GLIS3: variants seen among roughly 807,000 people sequenced by gnomAD.
GLIS3 encodes GLIS family zinc finger 3.
In GLIS3, 53 loss-of-function variants were observed where a neutral mutation model predicts 78.6. The observed-to-expected ratio is 0.67, with a 90% CI of 0.54 to 0.85. The LOEUF is 0.85. GLIS3 is among the 40% of genes least tolerant of loss of function. GLIS3 has a pLI of 0.00. For synonymous variants in GLIS3, 684 were observed against 509.9 expected (o/e 1.34, Z -4.60); for missense variants, 1,703 against 1,231.1 (o/e 1.38, Z -5.74).
chr9:3,951,841 A>AACACAC (rs3061609), intron 4 of GLIS3, among the ~76,000 whole-genome samples: 14,184 of 130,398 alleles, frequency 0.11, 854 homozygotes, highest in East Asian at 0.16. Flanking sequence ...AATAAGCATG[A>AACACAC]ACACACACAC....
intron 4 of GLIS3, among the ~76,000 whole-genome samples, chr9:3,941,032 G>T (rs1815862849): frequency 6.6e-6 from 1 of 152,270 alleles, no homozygotes; most frequent in Middle Eastern, 3.4e-3. Context: ...GAATCAGAAT[G>T]CTGGGAGTGA....
At position 3,870,965 on chromosome 9, in the gene GLIS3, A is replaced by ATCAAAAGCAAGCTACTTATT. The variant is rs557982267; in HGVS notation, c.2297+8442_2297+8461dup. On this transcript the variant is annotated intron_variant, in intron 8 of 10. Coordinates refer to ENST00000381971, the MANE Select transcript of GLIS3 (RefSeq NM_001042413.2). Reference sequence around the variant, plus strand: ...TCTCTTCCACATATGAGCCTGTAAAATCAAAAGCAAGCTACTTATTTCCCA... The same window carrying ATCAAAAGCAAGCTACTTATT: ...TCTCTTCCACATATGAGCCTGTAAAATCAAAAGCAAGCTACTTATTTCAAAAGCAAGCTACTTATTTCCCA... Among the ~76,000 whole-genome samples, 21 of 152,364 alleles carry ATCAAAAGCAAGCTACTTATT rather than the reference A, an allele frequency of 1.4e-4. No homozygotes were observed. In the East Asian group the frequency reaches 3.3e-3, roughly 24 times the overall value.
the GLIS3 span, among the ~76,000 whole-genome samples, chr9:4,425,934 G>T: frequency 2.0e-5 from 3 of 152,086 alleles, no homozygotes; most frequent in African/African-American, 4.8e-5. Context: ...CAGAAAGATG[G>T]GTGCTGACTC....
At chr9:4,472,023 T>C in the GLIS3 span, among the ~76,000 whole-genome samples, 7 of 152,278 alleles carry the variant, frequency 4.6e-5, no homozygotes, top group South Asian at 6.2e-4. Context: ...TCATCACTGG[T>C]CATCAGAGAA....
intron 4 of GLIS3, among the ~76,000 whole-genome samples, chr9:4,000,123 C>G (rs943534750): frequency 2.0e-5 from 3 of 152,048 alleles, no homozygotes; most frequent in African/African-American, 7.2e-5. Context: ...GGTATAATTA[C>G]TTGACAAATA....
At chr9:4,314,518 T>C (rs1022060910) in intron 2 of GLIS3, among the ~76,000 whole-genome samples, 5 of 152,248 alleles carry the variant, frequency 3.3e-5, no homozygotes, top group Admixed American at 1.3e-4. Context: ...GATGATGCTA[T>C]GTGGTCTTCA....
intron 4 of GLIS3, among the ~76,000 whole-genome samples, chr9:4,108,250 T>C (rs1232018258): frequency 1.3e-5 from 2 of 152,194 alleles, no homozygotes; most frequent in East Asian, 1.9e-4. Context: ...AAAATGTAGA[T>C]ACCCTTGGGA....
At chr9:4,305,340 C>G (rs1234113964) in intron 4 of GLIS3, 1 of 152,254 alleles carries the variant, frequency 6.6e-6, no homozygotes, top group Non-Finnish European at 1.5e-5. Context: ...AGACCTTGAG[C>G]TGGTTCCTAA....
At chr9:4,381,025 T>C in the GLIS3 span, among the ~76,000 whole-genome samples, 1 of 152,050 alleles carries the variant, frequency 6.6e-6, no homozygotes, top group Non-Finnish European at 1.5e-5. Flanking sequence ...GTCTCAGGGA[T>C]GGTCAAATTG....
At chr9:4,281,194 T>G (rs1827514464) in intron 2 of GLIS3, among the ~76,000 whole-genome samples, 1 of 152,242 alleles carries the variant, frequency 6.6e-6, no homozygotes, top group Admixed American at 6.5e-5. Flanking sequence ...CTAGTGTTTC[T>G]CAAATTTTGG....
chr9:3,953,391 T>A (rs1204567293), intron 4 of GLIS3, among the ~76,000 whole-genome samples: 1 of 152,238 alleles, frequency 6.6e-6, no homozygotes, highest in Non-Finnish European at 1.5e-5. Flanking sequence ...ATTGTACAGA[T>A]CATTCCTTCC....
chr9:4,176,554 T>C (rs1816829427), intron 2 of GLIS3, among the ~76,000 whole-genome samples: 1 of 152,044 alleles, frequency 6.6e-6, no homozygotes, highest in Non-Finnish European at 1.5e-5. Flanking sequence ...GTAGGAGGAA[T>C]TTTTTTCACT....
At chr9:3,974,469 T>C (rs1162948779) in intron 4 of GLIS3, among the ~76,000 whole-genome samples, 1 of 152,158 alleles carries the variant, frequency 6.6e-6, no homozygotes, top group Admixed American at 6.6e-5. Context: ...GAAATCTCTA[T>C]TGCTTAGTGC....
At chr9:4,481,081 C>A in the GLIS3 span, among the ~76,000 whole-genome samples, 1 of 152,114 alleles carries the variant, frequency 6.6e-6, no homozygotes, top group African/African-American at 2.4e-5. Flanking sequence ...GTCTCAAACT[C>A]CTGGGCTCAA....
At chr9:3,868,444 CT>C (rs5896031) in intron 8 of GLIS3, among the ~76,000 whole-genome samples, 140,488 of 152,202 alleles carry the variant, frequency 0.92, 65,898 homozygotes, top group East Asian at 1. Flanking sequence ...CTTCAAATTG[CT>C]TAGGGACAAA....
At chr9:4,457,558 C>A in the GLIS3 span, among the ~76,000 whole-genome samples, 1 of 151,746 alleles carries the variant, frequency 6.6e-6, no homozygotes, top group South Asian at 2.1e-4. Flanking sequence ...ACTTAAAATG[C>A]AGAGACTGGC....
intron 6 of GLIS3, among the ~76,000 whole-genome samples, chr9:3,928,111 GT>G (rs1240008992): frequency 6.6e-6 from 1 of 152,170 alleles, no homozygotes; most frequent in African/African-American, 2.4e-5. Context: ...TAAAAAATCA[GT>G]GCCGTTTCAA....
At chr9:4,189,655 T>A (rs1818145384) in intron 2 of GLIS3, among the ~76,000 whole-genome samples, 1 of 152,208 alleles carries the variant, frequency 6.6e-6, no homozygotes, top group Non-Finnish European at 1.5e-5. Flanking sequence ...CACTCAGGAC[T>A]TGCTTTATAA....
At chr9:4,191,647 G>C (rs918844217) in intron 2 of GLIS3, among the ~76,000 whole-genome samples, 1 of 152,028 alleles carries the variant, frequency 6.6e-6, no homozygotes, top group Admixed American at 6.6e-5. Flanking sequence ...ATGATACAGA[G>C]CCTGGCCTTC....
Sources: allele counts gnomAD v4.1 joint callset (sites outside exome capture counted in the v4.1 genomes callset), GRCh38; gene constraint gnomAD v4.1.1; transcripts MANE v1.5; gene names NCBI Gene and HGNC (gene_info 2026-07-23, HGNC 2026-07-21).